Variants in CACNA2D3 observed in about 807,000 individuals in gnomAD.
CACNA2D3 encodes voltage-dependent calcium channel subunit alpha-2/delta-3.
A neutral mutation model predicts 160.6 loss-of-function variants in CACNA2D3; 60 were observed. The ratio of observed to expected loss-of-function variants is 0.37; its 90% CI spans 0.30 to 0.46. CACNA2D3 has a LOEUF of 0.46. Among genes scored for constraint, CACNA2D3 ranks in the 20% least tolerant of loss-of-function variants. The pLI is 1.00. For missense variants in CACNA2D3, 1,205 were observed against 1,365.0 expected, an observed-to-expected ratio of 0.88 and a Z score of 1.85; for synonymous variants, 558 against 492.9, an observed-to-expected ratio of 1.13 and a Z score of -1.75.
intron 5 of CACNA2D3, among the ~76,000 whole-genome samples, chr3:54,538,395 C>T (rs1489784254): frequency 6.6e-6 from 1 of 152,188 alleles, no homozygotes; most frequent in African/African-American, 2.4e-5. Flanking sequence ...TTTCCTCCCC[C>T]TCCTCCAGCG....
At chr3:54,902,200 G>A (rs958949640) in intron 27 of CACNA2D3, among the ~76,000 whole-genome samples, 3 of 152,162 alleles carry the variant, frequency 2.0e-5, no homozygotes, top group Non-Finnish European at 2.9e-5. Context: ...TAATTATCAA[G>A]GACTCCTTGG....
At position 55,073,780 on chromosome 3, in the gene CACNA2D3, A is replaced by G; in HGVS notation, c.3104A>G (p.Asn1035Ser). 1 of 1,612,986 alleles carries G rather than the reference A, an allele frequency of 6.2e-7. No homozygotes were observed. Among genetic ancestry groups the G allele is most frequent in the Non-Finnish European group, 8.5e-7 (1 of 1,179,122 alleles). The part of the protein sequence containing the change: ...ITMAPIEIRY[N>S]ESLKCERLKA... ...ACATGCCTTAACTACAGTCAACATA[A>G]TGAATCCCTTAAGTGTGAACGTCTA... Residue 1035 changes from asparagine to serine, a missense_variant, in exon 37 of 38, where the codon AAT (asparagine) becomes AGT (serine). Asn to Ser is a conservative substitution (Grantham distance 46, BLOSUM62 1). Around this residue, in one of 3 missense-constraint regions of CACNA2D3, gnomAD observed 911 missense variants for 1,002.2 expected, o/e 0.91. Coordinates refer to ENST00000474759, the MANE Select transcript of CACNA2D3 (RefSeq NM_018398.3).
At chr3:54,706,883 T>G (rs1341284935) in intron 11 of CACNA2D3, among the ~76,000 whole-genome samples, 15 of 152,208 alleles carry the variant, frequency 9.9e-5, no homozygotes, top group Admixed American at 9.8e-4. Context: ...TGGGAAACTT[T>G]CCATCAGCTA....
intron 9 of CACNA2D3, among the ~76,000 whole-genome samples, chr3:54,610,872 AC>A (rs1360443008): frequency 6.6e-6 from 1 of 151,934 alleles, no homozygotes; most frequent in Non-Finnish European, 1.5e-5. Flanking sequence ...CAGGTGATCC[AC>A]CCGCCTTGGC....
chr3:54,127,177 G>C (rs988243737), intron 2 of CACNA2D3, among the ~76,000 whole-genome samples: 1 of 152,204 alleles, frequency 6.6e-6, no homozygotes, highest in African/African-American at 2.4e-5. Flanking sequence ...ACATTTTCCA[G>C]AATCATGATG....
chr3:54,990,203 T>G (rs1702708380), intron 31 of CACNA2D3, among the ~76,000 whole-genome samples: 1 of 152,192 alleles, frequency 6.6e-6, no homozygotes, highest in Non-Finnish European at 1.5e-5. Flanking sequence ...GCCCTCAGTT[T>G]CTTTATCTGA....
chr3:54,154,516 C>T (rs551402872), intron 2 of CACNA2D3, among the ~76,000 whole-genome samples: 2 of 145,486 alleles, frequency 1.4e-5, no homozygotes, highest in South Asian at 4.3e-4. Context: ...GCCGCAAACG[C>T]CCCTTACTCT....
intron 2 of CACNA2D3, among the ~76,000 whole-genome samples, chr3:54,177,579 G>T (rs1384813253): frequency 6.6e-6 from 1 of 152,138 alleles, no homozygotes; most frequent in Non-Finnish European, 1.5e-5. Context: ...CAGTTACAAA[G>T]CTTCCTTACG....
At chr3:54,810,825 C>T (rs1166085870) in intron 13 of CACNA2D3, among the ~76,000 whole-genome samples, 1 of 152,194 alleles carries the variant, frequency 6.6e-6, no homozygotes, top group Admixed American at 6.5e-5. Context: ...GTGTGAAACT[C>T]TGAGGTAGAA....
chr3:54,429,270 TAAA>T (rs5851256), intron 4 of CACNA2D3, among the ~76,000 whole-genome samples: 6 of 151,598 alleles, frequency 4.0e-5, no homozygotes, highest in South Asian at 2.1e-4. Flanking sequence ...TTTAATCAAC[TAAA>T]AAAAAATCAT....
chr3:54,306,253 A>G (rs544690233), intron 2 of CACNA2D3, among the ~76,000 whole-genome samples: 3 of 152,202 alleles, frequency 2.0e-5, no homozygotes, highest in East Asian at 1.9e-4. Context: ...GAATTGATCA[A>G]TTTCCTTATA....
At chr3:54,599,868 C>G (rs1703031053) in intron 9 of CACNA2D3, among the ~76,000 whole-genome samples, 1 of 152,216 alleles carries the variant, frequency 6.6e-6, no homozygotes, top group Admixed American at 6.5e-5. Context: ...GCCTGCCAGG[C>G]ACACGGGCAG....
intron 27 of CACNA2D3, among the ~76,000 whole-genome samples, chr3:54,945,647 A>G (rs1369077074): frequency 1.3e-5 from 2 of 152,152 alleles, no homozygotes; most frequent in African/African-American, 4.8e-5. Context: ...TGGAATCTCA[A>G]GCTTATCCAG....
chr3:54,218,506 G>A (rs750313190), intron 2 of CACNA2D3, among the ~76,000 whole-genome samples: 9 of 152,202 alleles, frequency 5.9e-5, no homozygotes, highest in Non-Finnish European at 1.2e-4. Flanking sequence ...GAAGGGTTCT[G>A]TTTTGTAACT....
chr3:54,928,144 T>C (rs1265320911), intron 27 of CACNA2D3: 2 of 539,338 alleles, frequency 3.7e-6, no homozygotes, highest in Non-Finnish European at 6.5e-6. Context: ...TAAGAGGATC[T>C]TGGGATCGTG....
rs566722235 is a variant in CACNA2D3, at chr3:55,057,565, C to T, written c.2988-15880C>T. On this transcript the variant is annotated intron_variant, in intron 35 of 37. Transcript: ENST00000474759. ...TAAGGAGGAAGCAGTGATGTGAAAG[C>T]CAAATATTTTAGTATTATATTGGGA... is the stretch of plus-strand genomic sequence containing the variant. Among the ~76,000 whole-genome samples, 49 of 152,070 alleles carry T rather than the reference C, an allele frequency of 3.2e-4. No homozygotes were observed. In the South Asian group the frequency reaches 0.01, roughly 31 times the overall value.
intron 2 of CACNA2D3, among the ~76,000 whole-genome samples, chr3:54,305,990 C>T (rs1703590294): frequency 6.6e-6 from 1 of 152,218 alleles, no homozygotes; most frequent in Non-Finnish European, 1.5e-5. Context: ...TTGTTTAATG[C>T]ACCCATGAAG....
At chr3:54,982,276 A>T (rs549836272) in intron 29 of CACNA2D3, among the ~76,000 whole-genome samples, 1 of 152,254 alleles carries the variant, frequency 6.6e-6, no homozygotes, top group African/African-American at 2.4e-5. Flanking sequence ...AATCCTAGGA[A>T]TGACTCTAAC....
chr3:54,347,012 G>A (rs780818407), intron 3 of CACNA2D3, among the ~76,000 whole-genome samples: 21 of 152,082 alleles, frequency 1.4e-4, no homozygotes, highest in Non-Finnish European at 2.5e-4. Flanking sequence ...GTTTAGATTC[G>A]GGCAAGTGGC....
Sources: allele counts gnomAD v4.1 joint callset (sites outside exome capture counted in the v4.1 genomes callset), GRCh38; gene constraint gnomAD v4.1.1; regional missense constraint gnomAD v4.1.1; transcripts MANE v1.5; gene names NCBI Gene and HGNC (gene_info 2026-07-23, HGNC 2026-07-21).